Variants in ZNF638 observed in about 807,000 individuals in gnomAD.
The protein encoded by ZNF638 is CTCL tumor antigen se33-1.
In ZNF638, 46 loss-of-function variants were observed where a neutral mutation model predicts 195.6. The ratio of observed to expected loss-of-function variants is 0.24; its 90% CI spans 0.19 to 0.30. The LOEUF is 0.30. Among genes scored for constraint, ZNF638 ranks in the 10% least tolerant of loss-of-function variants. ZNF638 has a pLI of 1.00. For missense variants in ZNF638, 2,440 were observed against 2,325.3 expected (o/e 1.05, Z -1.01); for synonymous variants, 845 against 772.0 (o/e 1.09, Z -1.57).
In ZNF638 at chr2:71,426,600, T is replaced by G. The variant is rs1274602750; in HGVS notation, c.4731T>G (p.Leu1577=). The change falls in exon 24 of 28, where the codon CTT becomes CTG. Residue 1577 remains leucine, a synonymous_variant. Transcript: ENST00000264447. ...TCAAAAATGTTCCTTTCTCTGAACT[T>G]AACTTAAAGAAGAAAAAGGGGAAAA... is the stretch of plus-strand genomic sequence containing the variant. The part of the protein sequence containing the change: ...ETLKNVPFSE[L]NLKKKKGKTS... 54 of 1,613,992 alleles carry G rather than the reference T, an allele frequency of 3.3e-5. No individual in the cohort carries two copies. Among genetic ancestry groups the G allele is most frequent in the Non-Finnish European group, 4.2e-5 (50 of 1,180,008 alleles).
rs763207310 is a variant in ZNF638 at position 71,348,910 on chromosome 2, A to G, written c.-45A>G. ...GAATGCCGTTGCCTCACATGGTTCAACACCACCTTATACTTTATTAAATCA... is the reference window on the plus strand; with the variant it reads ...GAATGCCGTTGCCTCACATGGTTCAGCACCACCTTATACTTTATTAAATCA... On this transcript the variant is annotated 5_prime_UTR_variant, in exon 2 of 28. Transcript: ENST00000264447. 8 of 1,614,114 alleles carry G rather than the reference A, an allele frequency of 5.0e-6. No homozygotes were observed. Among genetic ancestry groups the G allele is most frequent in the Admixed American group, 3.3e-5 (2 of 60,028 alleles).
intron 10 of ZNF638, among the ~76,000 whole-genome samples, chr2:71,385,540 G>A (rs541568282): frequency 2.2e-4 from 33 of 152,302 alleles, no homozygotes; most frequent in African/African-American, 7.9e-4. Flanking sequence ...GGTTTTAGAA[G>A]AGATCATTAT....
In ZNF638 at chr2:71,423,827, GT is replaced by G; in HGVS notation, c.4314del (p.Leu1439CysfsTer48). 1 of 1,614,070 alleles carries G rather than the reference GT, an allele frequency of 6.2e-7. No individual in the cohort carries two copies. The highest frequency in any genetic ancestry group is 8.5e-7 in the Non-Finnish European group (1 of 1,180,006). ...AEKKLSAKEF[G>X]LLKPTSARSG... The stretch of plus-strand genomic sequence containing the variant: ...AAGAAACTTTCAGCCAAGGAATTTG[GT>G]CTGCTTAAACCCACAAGTGCCAGGT... On this transcript the variant is annotated frameshift_variant, in exon 22 of 28. Coordinates refer to ENST00000264447, the MANE Select transcript of ZNF638 (RefSeq NM_014497.5). LOFTEE classifies it high-confidence loss of function.
chr2:71,433,982 C>A (rs1219283310), intron 27 of ZNF638, among the ~76,000 whole-genome samples: 1 of 152,186 alleles, frequency 6.6e-6, no homozygotes, highest in Non-Finnish European at 1.5e-5. Flanking sequence ...GATTTGAACT[C>A]CGCTCTATTT....
At position 71,401,627 on chromosome 2, in the gene ZNF638, C is replaced by T. The variant is rs546192122; in HGVS notation, c.2698-329C>T. Among the ~76,000 whole-genome samples, 160 of 151,470 alleles carry T rather than the reference C, an allele frequency of 1.1e-3. 2 individuals carry two copies. The highest frequency in any genetic ancestry group is 1.8e-3 in the Non-Finnish European group (124 of 67,934). ...ACTTGAACCTGGGAGACAGAGCTTG[C>T]AGTGAGCCGAGGTTGTACCACTGCA... On this transcript the variant is annotated intron_variant, in intron 15 of 27. Coordinates refer to ENST00000264447, the MANE Select transcript of ZNF638 (RefSeq NM_014497.5).
intron 1 of ZNF638, among the ~76,000 whole-genome samples, chr2:71,340,541 GACAA>G (rs377164948): frequency 1.4e-4 from 21 of 152,280 alleles, no homozygotes; most frequent in Non-Finnish European, 1.8e-4. Context: ...TATATTCTGA[GACAA>G]ACAGTGCTCT....
chr2:71,359,106 A>G (rs954862225), intron 3 of ZNF638, among the ~76,000 whole-genome samples: 9 of 152,180 alleles, frequency 5.9e-5, no homozygotes, highest in African/African-American at 1.9e-4. Context: ...CTGAATCTAC[A>G]GTATCTCTGA....
At chr2:71,365,741 AGG>A (rs2079185135) in intron 6 of ZNF638, 35 bp downstream of exon 6, 1 of 1,536,156 alleles carries the variant, frequency 6.5e-7, no homozygotes, top group Middle Eastern at 2.3e-4. Flanking sequence ...TTTAGAGATA[AGG>A]TTTCACTCTG....
intron 20 of ZNF638, among the ~76,000 whole-genome samples, chr2:71,414,920 GTGTGC>G (rs2080285586): frequency 3.0e-5 from 1 of 33,818 alleles, no homozygotes; most frequent in Non-Finnish European, 6.2e-5. Flanking sequence ...TTTGGAATAG[GTGTGC>G]TGTGGTGCTG....
At chr2:71,362,068 A>T (rs1302473646) in intron 3 of ZNF638, among the ~76,000 whole-genome samples, 2 of 152,188 alleles carry the variant, frequency 1.3e-5, no homozygotes, top group Non-Finnish European at 2.9e-5. Flanking sequence ...TATAATCAGC[A>T]TGTCCAGATG....
At chr2:71,431,206 C>T (rs61254512) in intron 25 of ZNF638, 121 bp from the exon 26 acceptor site, 1 of 719,952 alleles carries the variant, frequency 1.4e-6, no homozygotes, top group African/African-American at 1.8e-5. Context: ...AAAGAATGGC[C>T]AGATGGGATT....
Position 71,349,085 on chromosome 2 carries a change from C to A in ZNF638, c.131C>A (p.Pro44Gln). 1 of 1,614,198 alleles carries A rather than the reference C, an allele frequency of 6.2e-7. No homozygotes were observed. Among genetic ancestry groups the A allele is most frequent in the Non-Finnish European group, 8.5e-7 (1 of 1,180,040 alleles). ...PGSMGLPRFY[P>Q]AGRARGIPHR... ...TCTATGGGTCTCCCAAGATTTTACC[C>A]AGCAGGGAGAGCACGTGGAATTCCA... Residue 44 changes from proline (P) to glutamine (Q), a missense_variant, in exon 2 of 28, where the codon CCA becomes CAA. By Grantham distance (76) the Pro-to-Gln change is moderately conservative. Coordinates refer to ENST00000264447, the MANE Select transcript of ZNF638 (RefSeq NM_014497.5).
intron 1 of ZNF638, among the ~76,000 whole-genome samples, chr2:71,338,677 T>C (rs2078713106): frequency 6.6e-6 from 1 of 152,240 alleles, no homozygotes; most frequent in Admixed American, 6.5e-5. Context: ...CCTGGGGGGC[T>C]GTAACACTCG....
Position 71,423,416 on chromosome 2 carries a change from C to T in ZNF638, c.3902C>T (p.Ser1301Phe), listed in dbSNP as rs917566291. The T allele has an allele frequency of 9.9e-6, 16 of 1,611,258 alleles. No individual in the cohort carries two copies. Among genetic ancestry groups the T allele is most frequent in the Non-Finnish European group, 1.3e-5 (15 of 1,179,304 alleles). The change falls in exon 22 of 28, where the codon TCT (serine) becomes TTT (phenylalanine). Residue 1301 changes from serine (S) to phenylalanine (F), a missense_variant. Physicochemically the swap from Ser to Phe is radical, Grantham distance 155. Coordinates refer to ENST00000264447, the MANE Select transcript of ZNF638 (RefSeq NM_014497.5). ...AAGACAGTGGACAAAAAGAATATTTCTGAAAAAAAAGGTAACATGGATGAA... is the reference window on the plus strand; with the variant it reads ...AAGACAGTGGACAAAAAGAATATTTTTGAAAAAAAAGGTAACATGGATGAA... ...DEKTVDKKNI[S>F]EKKGNMDEKE...
chr2:71,401,123 G>A (rs2079997416), intron 15 of ZNF638, among the ~76,000 whole-genome samples: 1 of 152,006 alleles, frequency 6.6e-6, no homozygotes, highest in Non-Finnish European at 1.5e-5. Flanking sequence ...CTTATTTTAG[G>A]AAGAGTATTT....
intron 10 of ZNF638, among the ~76,000 whole-genome samples, chr2:71,383,473 T>C (rs2079569958): frequency 6.6e-6 from 1 of 152,010 alleles, no homozygotes; most frequent in African/African-American, 2.4e-5. Flanking sequence ...AACTTCTTGA[T>C]TTTCTTGGAT....
intron 22 of ZNF638, among the ~76,000 whole-genome samples, chr2:71,424,378 T>C (rs541493989): frequency 6.6e-6 from 1 of 152,200 alleles, no homozygotes; most frequent in Non-Finnish European, 1.5e-5. Flanking sequence ...CTCTCTTAAA[T>C]TGAAGCTTCC....
intron 18 of ZNF638, 88 bp from the exon 19 acceptor site, chr2:71,406,033 ATCTGACC>A: frequency 6.9e-7 from 1 of 1,441,352 alleles, no homozygotes; most frequent in Middle Eastern, 1.9e-4. Context: ...AGAGAACATC[ATCTGACC>A]TCTGTAATAG....
intron 26 of ZNF638, among the ~76,000 whole-genome samples, chr2:71,432,797 A>G (rs1352486092): frequency 6.6e-6 from 1 of 152,214 alleles, no homozygotes; most frequent in Non-Finnish European, 1.5e-5. Context: ...TCGTGTTTAA[A>G]TTGATGAAGG....
Sources: gnomAD v4.1 joint callset for allele counts (sites outside exome capture counted in the v4.1 genomes callset) on GRCh38, gnomAD v4.1.1 for gene constraint, MANE v1.5 for transcripts, NCBI Gene and HGNC (gene_info 2026-07-23, HGNC 2026-07-21) for gene names.